Variants in LCP2 observed in about 807,000 individuals in gnomAD.
LCP2 encodes the protein lymphocyte cytosolic protein 2, also known as 76 kDa tyrosine phosphoprotein.
In LCP2, 29 loss-of-function variants were observed where a neutral mutation model predicts 74.5. The ratio of observed to expected loss-of-function variants is 0.39; its 90% CI spans 0.29 to 0.53. LCP2 has a LOEUF of 0.53. Ranked by LOEUF, LCP2 falls within the 20% of genes least tolerant of loss-of-function variation. The pLI, the probability that LCP2 is intolerant of heterozygous loss-of-function variation, is 0.72. For missense variants in LCP2, 604 were observed against 634.6 expected, an observed-to-expected ratio of 0.95 and a Z score of 0.52; for synonymous variants, 228 against 229.5, an observed-to-expected ratio of 0.99 and a Z score of 0.06.
intron 20 of LCP2, among the ~76,000 whole-genome samples, 191 bp downstream of exon 20, chr5:170,250,539 A>G (rs1270890298): frequency 6.6e-6 from 1 of 152,278 alleles, no homozygotes; most frequent in Non-Finnish European, 1.5e-5. Flanking sequence ...TATACAAGAA[A>G]GAATCCTATG....
Position 170,297,626 on chromosome 5 carries a change from G to A in LCP2, c.-15C>T, listed in dbSNP as rs923127439. 5.6e-6 allele frequency: 9 copies of A among 1,602,868 alleles called. No individual in the cohort carries two copies. The highest frequency in any genetic ancestry group is 2.7e-5 in the African/African-American group (2 of 74,696). Reference sequence around the variant, plus strand: ...CTCAGTGCCATGGCTGCTCTCCCGGGAAGAAGCTCACAAGCTGAGCATGGG... The same window carrying A: ...CTCAGTGCCATGGCTGCTCTCCCGGAAAGAAGCTCACAAGCTGAGCATGGG... On this transcript the variant is annotated 5_prime_UTR_variant, in exon 1 of 21. Transcript: ENST00000046794.
At chr5:170,295,203 A>C (rs1008723205) in intron 1 of LCP2, among the ~76,000 whole-genome samples, 1 of 152,198 alleles carries the variant, frequency 6.6e-6, no homozygotes, top group African/African-American at 2.4e-5. Context: ...GGAGAGATTG[A>C]ACAAATATGT....
intron 2 of LCP2, among the ~76,000 whole-genome samples, chr5:170,289,655 T>TTCTCTCTCTCTCTCTCTCTC (rs1561978370): frequency 6.9e-4 from 78 of 113,812 alleles, no homozygotes; most frequent in African/African-American, 2.6e-3. Context: ...CTTTCTTTCT[T>TTCTCTCTCTCTCTCTCTCTC]TCTTTCTTTC....
intron 5 of LCP2, among the ~76,000 whole-genome samples, chr5:170,274,822 A>G (rs1251342458): frequency 6.6e-6 from 1 of 152,018 alleles, no homozygotes; most frequent in African/African-American, 2.4e-5. Flanking sequence ...TAAAAATACA[A>G]AAAAAGTAGC....
intron 20 of LCP2, 83 bp downstream of exon 20, chr5:170,250,647 G>T: frequency 1.9e-6 from 2 of 1,073,480 alleles, no homozygotes; most frequent in South Asian, 2.5e-5. Flanking sequence ...ATACAGCACG[G>T]ACTCTCAAAG....
chr5:170,274,688 TG>T, intron 5 of LCP2, among the ~76,000 whole-genome samples: 1 of 152,288 alleles, frequency 6.6e-6, no homozygotes, highest in Admixed American at 6.5e-5. Flanking sequence ...CAACACTATG[TG>T]CAACTGAACA....
intron 8 of LCP2, among the ~76,000 whole-genome samples, chr5:170,267,825 G>A (rs543550582): frequency 1.3e-5 from 2 of 152,026 alleles, no homozygotes; most frequent in Non-Finnish European, 2.9e-5. Context: ...CTCAAAAGAA[G>A]GTCTTCAAAT....
intron 10 of LCP2, among the ~76,000 whole-genome samples, chr5:170,265,118 G>C (rs1292560673): frequency 6.6e-6 from 1 of 151,420 alleles, no homozygotes; most frequent in African/African-American, 2.4e-5. Context: ...CTCTTGAGTA[G>C]CTGGGACTGC....
At chr5:170,250,313 A>G (rs976468587) in intron 20 of LCP2, among the ~76,000 whole-genome samples, 2 of 152,230 alleles carry the variant, frequency 1.3e-5, no homozygotes, top group African/African-American at 4.8e-5. Flanking sequence ...TTGTTAAGAA[A>G]TGAGCCAAGT....
chr5:170,279,278 G>T (rs1336649703), intron 3 of LCP2, among the ~76,000 whole-genome samples: 1 of 152,164 alleles, frequency 6.6e-6, no homozygotes, highest in Non-Finnish European at 1.5e-5. Flanking sequence ...TTCCAGCCCA[G>T]CTGCATCCCT....
intron 10 of LCP2, among the ~76,000 whole-genome samples, chr5:170,263,483 T>C (rs1304549800): frequency 2.0e-5 from 3 of 152,226 alleles, no homozygotes; most frequent in African/African-American, 7.2e-5. Context: ...CTGAAGAAAC[T>C]TTTCACTTGG....
chr5:170,261,407 G>GTGTGTGTATA lies in LCP2; in HGVS notation c.927-271_927-270insTATACACACA, dbSNP rs150577805. Among the ~76,000 whole-genome samples, 631 of 146,306 alleles carry GTGTGTGTATA rather than the reference G, an allele frequency of 4.3e-3. 13 individuals carry two copies. In the East Asian group the frequency reaches 0.049, roughly 11 times the overall value. On this transcript the variant is annotated intron_variant, in intron 13 of 20. Transcript: ENST00000046794. ...AATAATTATGTGTGTGTGTGTGTGTGTATATATATATATATACACACTCTA... is the reference window on the plus strand; with the variant it reads ...AATAATTATGTGTGTGTGTGTGTGTGTGTGTGTATATATATATATATATATACACACTCTA...
intron 10 of LCP2, among the ~76,000 whole-genome samples, chr5:170,263,354 T>C (rs985827346): frequency 3.3e-5 from 5 of 152,234 alleles, no homozygotes; most frequent in African/African-American, 1.2e-4. Flanking sequence ...GCCAAAGTAT[T>C]TCTTCTGCAG....
At chr5:170,270,667 C>A (rs969369177) in intron 7 of LCP2, 52 bp downstream of exon 7, 10 of 1,473,682 alleles carry the variant, frequency 6.8e-6, no homozygotes, top group African/African-American at 2.9e-5. Flanking sequence ...GCAGCAGTGG[C>A]GAGCTTGCCT....
intron 19 of LCP2, chr5:170,251,096 G>A: frequency 2.1e-6 from 1 of 482,242 alleles, no homozygotes; most frequent in South Asian, 3.0e-5. Flanking sequence ...ATTAAGAAAG[G>A]CAACAGAGAT....
chr5:170,276,190 C>G (rs1762005439), intron 3 of LCP2, among the ~76,000 whole-genome samples: 1 of 152,212 alleles, frequency 6.6e-6, no homozygotes, highest in Non-Finnish European at 1.5e-5. Flanking sequence ...AAATCAGGAG[C>G]CTTAGGATCT....
intron 13 of LCP2, among the ~76,000 whole-genome samples, chr5:170,261,722 T>C (rs912495405): frequency 1.3e-5 from 2 of 152,170 alleles, no homozygotes; most frequent in Non-Finnish European, 2.9e-5. Context: ...TCAAACAGAC[T>C]TGGGGACAGC....
chr5:170,262,720 T>C lies in LCP2; in HGVS notation c.841A>G (p.Lys281Glu). The change falls in exon 13 of 21, where the codon AAG (lysine) becomes GAG (glutamate). Residue 281 changes from lysine (K) to glutamate (E), a missense_variant. Physicochemically the swap from Lys to Glu is moderately conservative, Grantham distance 56. Coordinates refer to ENST00000046794, the MANE Select transcript of LCP2 (RefSeq NM_005565.5). ...GGTGGTAAAGGAGGCTTTTGAATCT[T>C]GGGTAAATGCTCCCCGAGTGACCTG... ...AGRSLGEHLP[K>E]IQKPPLPPTT... 3.1e-6 allele frequency: 5 copies of C among 1,613,978 alleles called. No homozygotes were observed. The highest frequency in any genetic ancestry group is 4.2e-6 in the Non-Finnish European group (5 of 1,179,850).
rs1024758697 is a variant in LCP2, at chr5:170,246,812, T to G, written c.*1885A>C. On this transcript the variant is annotated 3_prime_UTR_variant, in exon 21 of 21. Transcript: ENST00000046794. ...CACCTGGGGTCATATAGAAGGTCTG[T>G]GGCCAAAAGAGGCAAGGCCCAGCCA... 1.3e-5 allele frequency: 2 copies of G among 152,178 alleles called. No homozygotes were observed. Among genetic ancestry groups the G allele is most frequent in the African/African-American group, 4.8e-5 (2 of 41,430 alleles). The allele number at this position is 152,178 out of a possible 1,614,324, so 9.4% of individuals were successfully genotyped here. A position where few individuals can be genotyped will look rare whatever the true frequency, so the allele number is the denominator to read the frequency against.
Sources: allele counts gnomAD v4.1 joint callset (sites outside exome capture counted in the v4.1 genomes callset), GRCh38; gene constraint gnomAD v4.1.1; transcripts MANE v1.5; gene names NCBI Gene and HGNC (gene_info 2026-07-23, HGNC 2026-07-21).